The following ZNF469 variants were observed in gnomAD, a reference collection of about 807,000 sequenced individuals.
ZNF469 encodes the protein zinc finger protein 469.
Under a neutral mutation model 1.0 loss-of-function variants are expected in ZNF469, and 1 was observed. The ratio of observed to expected loss-of-function variants is 1.00; its 90% CI spans 0.35 to 4.73. The LOEUF (loss-of-function observed/expected upper bound fraction) is 4.73, where lower values mean the gene tolerates loss of function less well. Ranked by LOEUF, ZNF469 falls within the 30% of genes most tolerant of loss-of-function variation. The probability of loss-of-function intolerance (pLI) is 0.16; values close to 1 mark genes in which losing one functional copy is unlikely to be tolerated. For missense variants in ZNF469, 6,100 were observed against 5,356.3 expected, an observed-to-expected ratio of 1.14 and a Z score of -4.33; for synonymous variants, 2,703 against 2,363.4, an observed-to-expected ratio of 1.14 and a Z score of -4.17.
At chr16:88,329,028 C>A in the ZNF469 span, among the ~76,000 whole-genome samples, 3 of 152,210 alleles carry the variant, frequency 2.0e-5, no homozygotes, top group Non-Finnish European at 4.4e-5. Flanking sequence ...ACCCAGAGAC[C>A]ACCTGCCTCC....
At chr16:88,164,563 C>T in the ZNF469 span, among the ~76,000 whole-genome samples, 12 of 152,138 alleles carry the variant, frequency 7.9e-5, no homozygotes, top group African/African-American at 1.2e-4. Context: ...GCCTGAACCT[C>T]GCTGTTGATG....
At chr16:88,354,717 C>G in the ZNF469 span, among the ~76,000 whole-genome samples, 2 of 152,190 alleles carry the variant, frequency 1.3e-5, no homozygotes, top group Admixed American at 6.5e-5. Context: ...ATTCTCCGCC[C>G]AAGCAGTCTC....
intron 2 of ZNF469, among the ~76,000 whole-genome samples, chr16:88,426,254 C>T (rs754542740): frequency 1.3e-5 from 2 of 152,344 alleles, no homozygotes; most frequent in East Asian, 1.9e-4. Context: ...CCAAGTCATC[C>T]GCCTCTCTGG....
chr16:88,253,076 T>A, the ZNF469 span, among the ~76,000 whole-genome samples: 1 of 152,358 alleles, frequency 6.6e-6, no homozygotes, highest in African/African-American at 2.4e-5. Context: ...ATGGGATGAA[T>A]GAATTATCAC....
intron 1 of ZNF469, among the ~76,000 whole-genome samples, chr16:88,393,480 G>T (rs964264243): frequency 2.0e-5 from 3 of 151,762 alleles, no homozygotes; most frequent in Admixed American, 6.6e-5. Context: ...ACCCAGGGGG[G>T]CCTGCCGTAG....
chr16:88,294,128 G>T, the ZNF469 span, among the ~76,000 whole-genome samples: 70 of 152,332 alleles, frequency 4.6e-4, no homozygotes, highest in African/African-American at 1.6e-3. Context: ...GAAAGCTCTG[G>T]CTCAAATTCC....
the ZNF469 span, among the ~76,000 whole-genome samples, chr16:88,108,288 G>A: frequency 1.3e-4 from 20 of 152,090 alleles, no homozygotes; most frequent in South Asian, 4.1e-4. Context: ...CACAGAGGAC[G>A]CCTTCCAGTG....
the ZNF469 span, among the ~76,000 whole-genome samples, chr16:88,375,383 C>G: frequency 1.3e-5 from 2 of 152,254 alleles, no homozygotes; most frequent in Non-Finnish European, 2.9e-5. Context: ...ACCCGGACGT[C>G]TGCTACGCTG....
Position 88,436,930 on chromosome 16 carries a change from G to A in ZNF469, c.9460G>A (p.Gly3154Ser). Residue 3154 changes from glycine to serine, a missense_variant, in exon 3 of 3, where the codon GGC becomes AGC. Transcript: ENST00000565624. ...CTACATGTGCGTGGAGCGCAGGTTT[G>A]GCTCGCGGGAGCTGCTGCGGGGGCA... ...TCYMCVERRF[G>S]SRELLRGHLQ... 6.7e-7 allele frequency: 1 copy of A among 1,494,080 alleles called. No individual in the cohort carries two copies. The highest frequency in any genetic ancestry group is 2.5e-5 in the East Asian group (1 of 40,372). 92.6% of individuals were successfully genotyped at this position (1,494,080 alleles called of 1,614,324 possible).
At chr16:88,110,917 C>G in the ZNF469 span, among the ~76,000 whole-genome samples, 1 of 152,248 alleles carries the variant, frequency 6.6e-6, no homozygotes, top group Non-Finnish European at 1.5e-5. Flanking sequence ...ACTGGGAAAC[C>G]TGAGAAACTG....
the ZNF469 span, among the ~76,000 whole-genome samples, chr16:88,176,092 T>A: frequency 6.6e-6 from 1 of 151,712 alleles, no homozygotes; most frequent in African/African-American, 2.4e-5. Flanking sequence ...GCTACTCCAC[T>A]CCCAGAGGGC....
chr16:88,372,262 G>A, the ZNF469 span, among the ~76,000 whole-genome samples: 554 of 2,812 alleles, frequency 0.2, no homozygotes, highest in East Asian at 0.35. Flanking sequence ...CCCCATCATC[G>A]TCACCATCAC....
At chr16:88,142,233 C>G in the ZNF469 span, among the ~76,000 whole-genome samples, 5 of 152,136 alleles carry the variant, frequency 3.3e-5, no homozygotes, top group Admixed American at 3.3e-4. Flanking sequence ...CCCGGCTGGG[C>G]GGGGGGTCTG....
At chr16:88,286,612 G>A in the ZNF469 span, among the ~76,000 whole-genome samples, 3 of 152,388 alleles carry the variant, frequency 2.0e-5, no homozygotes, top group Non-Finnish European at 4.4e-5. Context: ...AGGGAATGTG[G>A]AGGACAGGAA....
the ZNF469 span, among the ~76,000 whole-genome samples, chr16:88,274,064 A>C: frequency 6.6e-6 from 1 of 152,126 alleles, no homozygotes. Context: ...CGGCCTCCCA[A>C]AGTGCTGGGA....
the ZNF469 span, among the ~76,000 whole-genome samples, chr16:88,172,363 T>C: frequency 2.0e-5 from 3 of 152,330 alleles, no homozygotes; most frequent in South Asian, 4.1e-4. Context: ...ATGGAAAGAC[T>C]ATATAATATG....
the ZNF469 span, among the ~76,000 whole-genome samples, chr16:88,246,239 C>G: frequency 1.3e-5 from 2 of 152,258 alleles, no homozygotes; most frequent in African/African-American, 2.4e-5. Flanking sequence ...CATTCACTTA[C>G]TCATGTTTTC....
the ZNF469 span, among the ~76,000 whole-genome samples, chr16:88,187,520 G>T: frequency 6.6e-6 from 1 of 152,230 alleles, no homozygotes; most frequent in Non-Finnish European, 1.5e-5. Flanking sequence ...CCCCTTGTGG[G>T]AACATGGCAC....
chr16:88,311,820 G>A, the ZNF469 span, among the ~76,000 whole-genome samples: 5 of 152,308 alleles, frequency 3.3e-5, no homozygotes, highest in South Asian at 2.1e-4. Context: ...TTGCATTTTC[G>A]CAATGATATA....
Sources: gnomAD v4.1 joint callset for allele counts (sites outside exome capture counted in the v4.1 genomes callset) on GRCh38, gnomAD v4.1.1 for gene constraint, MANE v1.5 for transcripts, NCBI Gene and HGNC (gene_info 2026-07-23, HGNC 2026-07-21) for gene names.